The following CSMD1 variants were observed in gnomAD, a reference collection of about 807,000 sequenced individuals.
The protein encoded by CSMD1 is CUB and sushi domain-containing protein 1.
In CSMD1, 213 loss-of-function variants were observed where a neutral mutation model predicts 417.5. The observed-to-expected ratio is 0.51, with a 90% confidence interval of 0.46 to 0.57. The LOEUF (loss-of-function observed/expected upper bound fraction) is 0.57. CSMD1 is among the 20% of genes least tolerant of loss of function. The probability of loss-of-function intolerance (pLI) is 0.00; values close to 1 mark genes in which losing one functional copy is unlikely to be tolerated. For missense variants in CSMD1, 6,923 were observed against 4,529.7 expected (o/e 1.53, Z -15.17); for synonymous variants, 2,862 against 1,736.8 (o/e 1.65, Z -16.11).
intron 5 of CSMD1, among the ~76,000 whole-genome samples, chr8:3,852,830 T>C (rs73491926): frequency 7.2e-5 from 11 of 152,112 alleles, no homozygotes; most frequent in African/African-American, 2.7e-4. Context: ...CCGCTTTCTG[T>C]AACCCACCAG....
intron 10 of CSMD1, among the ~76,000 whole-genome samples, chr8:3,506,240 T>C (rs1796822038): frequency 1.3e-5 from 2 of 152,140 alleles, no homozygotes; most frequent in Admixed American, 1.3e-4. Flanking sequence ...AGGGTGCAGG[T>C]GAGCCAGGCT....
chr8:3,817,780 C>T (rs1183499938), intron 5 of CSMD1, among the ~76,000 whole-genome samples: 1 of 152,082 alleles, frequency 6.6e-6, no homozygotes, highest in South Asian at 2.1e-4. Flanking sequence ...AGCCCCAATG[C>T]AGACCAAAGT....
At chr8:3,558,040 C>A (rs1023699911) in intron 10 of CSMD1, among the ~76,000 whole-genome samples, 7 of 149,898 alleles carry the variant, frequency 4.7e-5, no homozygotes, top group African/African-American at 1.7e-4. Flanking sequence ...TCAGAAGTAA[C>A]CCGTGTCCAC....
At chr8:4,264,511 C>G (rs572466876) in intron 3 of CSMD1, among the ~76,000 whole-genome samples, 5 of 152,228 alleles carry the variant, frequency 3.3e-5, no homozygotes, top group Non-Finnish European at 2.9e-5. Context: ...GTGTACCCCC[C>G]CTGAAGCTGA....
intron 7 of CSMD1, among the ~76,000 whole-genome samples, chr8:3,626,495 C>T (rs562228485): frequency 2.0e-5 from 3 of 152,070 alleles, no homozygotes; most frequent in African/African-American, 4.8e-5. Context: ...ATTTTAGAAA[C>T]ATATATAGTT....
intron 3 of CSMD1, among the ~76,000 whole-genome samples, chr8:4,150,207 C>T (rs533648477): frequency 2.6e-5 from 4 of 152,260 alleles, no homozygotes; most frequent in Non-Finnish European, 4.4e-5. Flanking sequence ...GTCACAGGAT[C>T]GGCCCCAGGA....
chr8:4,742,263 C>T (rs897945295), intron 1 of CSMD1, among the ~76,000 whole-genome samples: 1 of 151,442 alleles, frequency 6.6e-6, no homozygotes, highest in Non-Finnish European at 1.5e-5. Context: ...ATCTCCTGAC[C>T]TCATGATCCA....
intron 3 of CSMD1, among the ~76,000 whole-genome samples, chr8:4,323,777 T>A (rs1312041935): frequency 6.6e-6 from 1 of 152,150 alleles, no homozygotes; most frequent in African/African-American, 2.4e-5. Flanking sequence ...TGGCCAGACC[T>A]GCCTATCTTG....
chr8:3,105,356 T>C (rs1816061689), intron 46 of CSMD1, among the ~76,000 whole-genome samples: 1 of 152,212 alleles, frequency 6.6e-6, no homozygotes, highest in Admixed American at 6.5e-5. Context: ...AGAGCCACAA[T>C]GCTCAAAAGC....
At position 4,633,310 on chromosome 8, in the gene CSMD1, G is replaced by A. The variant is rs187121314; in HGVS notation, c.302+4032C>T. Among the ~76,000 whole-genome samples, 647 of 151,968 alleles carry A rather than the reference G, an allele frequency of 4.3e-3. 2 individuals carry two copies. Among genetic ancestry groups the A allele is most frequent in the African/African-American group, 0.015 (624 of 41,444 alleles). ...CCCCCAGGCTGGAGTGCAGTGGTGCGATCTCGGCTCACTGAAAGCTCCGCC... is the reference window on the plus strand; with the variant it reads ...CCCCCAGGCTGGAGTGCAGTGGTGCAATCTCGGCTCACTGAAAGCTCCGCC... On this transcript the variant is annotated intron_variant, in intron 2 of 69. Transcript: ENST00000635120.
chr8:4,531,488 A>G (rs1175862899), intron 2 of CSMD1, among the ~76,000 whole-genome samples: 1 of 152,086 alleles, frequency 6.6e-6, no homozygotes, highest in East Asian at 1.9e-4. Context: ...TGTCATCCCT[A>G]TAATAAGTAT....
intron 23 of CSMD1, among the ~76,000 whole-genome samples, chr8:3,314,433 C>G (rs1016747425): frequency 6.6e-6 from 1 of 152,014 alleles, no homozygotes; most frequent in Non-Finnish European, 1.5e-5. Context: ...TATCTTGAAG[C>G]CACTAGTCTG....
chr8:4,817,360 A>G (rs914274482), intron 1 of CSMD1, among the ~76,000 whole-genome samples: 1 of 152,226 alleles, frequency 6.6e-6, no homozygotes, highest in Admixed American at 6.5e-5. Flanking sequence ...TAAAACATCT[A>G]TAACAAATTA....
At chr8:4,249,995 G>T (rs147772301) in intron 3 of CSMD1, among the ~76,000 whole-genome samples, 1 of 152,078 alleles carries the variant, frequency 6.6e-6, no homozygotes, top group African/African-American at 2.4e-5. Context: ...GACCTACTGG[G>T]AAGTGTTTAG....
chr8:3,997,624 T>G (rs891814248), intron 5 of CSMD1, among the ~76,000 whole-genome samples: 2 of 152,220 alleles, frequency 1.3e-5, no homozygotes, highest in African/African-American at 4.8e-5. Flanking sequence ...CTAACTCACC[T>G]TACTTGGTTG....
intron 2 of CSMD1, among the ~76,000 whole-genome samples, chr8:4,540,678 T>C (rs1279571462): frequency 1.3e-5 from 2 of 152,204 alleles, no homozygotes; most frequent in Admixed American, 1.3e-4. Context: ...GAAAGGCTTC[T>C]TGGAATAATC....
In CSMD1 at chr8:2,951,741, C is replaced by T. The variant is rs937559252; in HGVS notation, c.10040-466G>A. Among the ~76,000 whole-genome samples the T allele has an allele frequency of 4.6e-5, 7 of 152,244 alleles. No individual in the cohort carries two copies. The East Asian group carries it at 7.7e-4, about 17-fold the overall frequency. On this transcript the variant is annotated intron_variant, in intron 65 of 69. Coordinates refer to ENST00000635120, the MANE Select transcript of CSMD1 (RefSeq NM_033225.6). ...ATAATACGAGAGCAATGCCCTGTCT[C>T]GAAAAAGCTTACATATCCCAGCACC...
chr8:4,197,326 G>A (rs1169981462), intron 3 of CSMD1, among the ~76,000 whole-genome samples: 1 of 152,190 alleles, frequency 6.6e-6, no homozygotes, highest in South Asian at 2.1e-4. Flanking sequence ...AACCTGACTT[G>A]GCCATAGGAT....
intron 5 of CSMD1, among the ~76,000 whole-genome samples, chr8:3,765,509 T>A (rs537526285): frequency 1.3e-5 from 2 of 152,224 alleles, no homozygotes; most frequent in Non-Finnish European, 2.9e-5. Context: ...AGGGCATTGG[T>A]GCTAACTCAG....
Sources: gnomAD v4.1 joint callset for allele counts (sites outside exome capture counted in the v4.1 genomes callset) on GRCh38, gnomAD v4.1.1 for gene constraint, MANE v1.5 for transcripts, NCBI Gene and HGNC (gene_info 2026-07-23, HGNC 2026-07-21) for gene names.